The following CTNNA2 variants were observed in gnomAD, a reference collection of about 807,000 sequenced individuals.
CTNNA2 encodes catenin alpha-2.
A neutral mutation model predicts 101.0 loss-of-function variants in CTNNA2; 42 were observed. The ratio of observed to expected loss-of-function variants is 0.42; its 90% CI spans 0.32 to 0.54. The LOEUF (loss-of-function observed/expected upper bound fraction) is 0.54. CTNNA2 is among the 20% of genes least tolerant of loss of function. The probability of loss-of-function intolerance (pLI) is 0.14; values close to 1 mark genes in which losing one functional copy is unlikely to be tolerated. For missense variants in CTNNA2, 871 were observed against 1,223.1 expected, an observed-to-expected ratio of 0.71 and a Z score of 4.29; for synonymous variants, 450 against 456.4, an observed-to-expected ratio of 0.99 and a Z score of 0.18.
intron 7 of CTNNA2, chr2:80,162,997 A>C: frequency 1.3e-6 from 2 of 1,554,106 alleles, no homozygotes; most frequent in Non-Finnish European, 1.8e-6. Flanking sequence ...CCTGATCTAA[A>C]TTGAATTTTG....
intron 7 of CTNNA2, among the ~76,000 whole-genome samples, chr2:80,117,039 A>C (rs1701564928): frequency 6.6e-6 from 1 of 152,008 alleles, no homozygotes; most frequent in Non-Finnish European, 1.5e-5. Context: ...GAAGATTTAA[A>C]ATTTTCTTCT....
At chr2:80,626,966 T>C (rs1052614565) in intron 18 of CTNNA2, among the ~76,000 whole-genome samples, 1 of 152,096 alleles carries the variant, frequency 6.6e-6, no homozygotes, top group African/African-American at 2.4e-5. Context: ...GTGCGGTGTT[T>C]GGTTTTCTGT....
chr2:79,249,919 G>A (rs750994163), intron 2 of CTNNA2, among the ~76,000 whole-genome samples: 3 of 152,078 alleles, frequency 2.0e-5, no homozygotes, highest in Non-Finnish European at 4.4e-5. Context: ...CCCATCCTGG[G>A]TCTTCTGATA....
intron 4 of CTNNA2, among the ~76,000 whole-genome samples, chr2:79,475,725 C>G (rs1671043806): frequency 6.9e-6 from 1 of 145,274 alleles, no homozygotes; most frequent in Non-Finnish European, 1.5e-5. Flanking sequence ...AGGAAAATTT[C>G]TTGCTTATTC....
At chr2:80,281,479 T>C (rs1674373697) in intron 7 of CTNNA2, among the ~76,000 whole-genome samples, 1 of 152,190 alleles carries the variant, frequency 6.6e-6, no homozygotes, top group African/African-American at 2.4e-5. Flanking sequence ...CGTACATTAG[T>C]GTCTGTGGGT....
At position 79,216,561 on chromosome 2, in the gene CTNNA2, G is replaced by A. The variant is rs376255333; in HGVS notation, c.-406+18485G>A. On this transcript the variant is annotated intron_variant, in intron 2 of 21. Coordinates refer to the CTNNA2 transcript ENST00000466387. ...AAGGGATTGGGGCACAGAGATAAGG[G>A]GTCGAGTCATGGAAATAAGGGATCA... 2.7e-3 allele frequency among the ~76,000 whole-genome samples: 413 copies of A among 151,910 alleles called. 2 individuals carry two copies. Among genetic ancestry groups the A allele is most frequent in the African/African-American group, 9.7e-3 (402 of 41,400 alleles).
intron 7 of CTNNA2, among the ~76,000 whole-genome samples, chr2:79,980,974 T>C (rs1009376919): frequency 6.6e-6 from 1 of 152,156 alleles, no homozygotes; most frequent in African/African-American, 2.4e-5. Flanking sequence ...ATATTCTGAA[T>C]GGGCTCACTT....
intron 7 of CTNNA2, among the ~76,000 whole-genome samples, chr2:80,242,744 A>G (rs905592089): frequency 6.6e-6 from 1 of 152,142 alleles, no homozygotes; most frequent in African/African-American, 2.4e-5. Context: ...CAGATAGGGC[A>G]GCTGAACAGC....
chr2:80,331,224 C>T (rs1212186282), intron 7 of CTNNA2, among the ~76,000 whole-genome samples: 2 of 152,120 alleles, frequency 1.3e-5, no homozygotes, highest in African/African-American at 2.4e-5. Context: ...ATTAGGTATT[C>T]GTTATCACAT....
At chr2:79,949,724 C>A (rs1245611260) in intron 7 of CTNNA2, among the ~76,000 whole-genome samples, 2 of 152,016 alleles carry the variant, frequency 1.3e-5, no homozygotes, top group East Asian at 3.9e-4. Flanking sequence ...GCTGTAGGGA[C>A]CCATGATCAC....
At chr2:80,314,069 A>G (rs1677864970) in intron 7 of CTNNA2, among the ~76,000 whole-genome samples, 1 of 152,206 alleles carries the variant, frequency 6.6e-6, no homozygotes, top group South Asian at 2.1e-4. Flanking sequence ...ATCTGAACAG[A>G]CATTAGAGCT....
At chr2:79,713,302 C>T (rs1450194696) in intron 2 of CTNNA2, among the ~76,000 whole-genome samples, 9 of 152,078 alleles carry the variant, frequency 5.9e-5, no homozygotes, top group Non-Finnish European at 1.0e-4. Context: ...ATTTAGCAGC[C>T]GGGAACTGTG....
intron 7 of CTNNA2, among the ~76,000 whole-genome samples, chr2:80,307,659 T>C (rs1018702195): frequency 1.1e-4 from 16 of 152,296 alleles, no homozygotes; most frequent in African/African-American, 3.9e-4. Flanking sequence ...CTTCTTCAAA[T>C]GTTGTATATT....
At chr2:79,563,426 T>C (rs761943942) in intron 1 of CTNNA2, among the ~76,000 whole-genome samples, 1 of 152,030 alleles carries the variant, frequency 6.6e-6, no homozygotes, top group African/African-American at 2.4e-5. Flanking sequence ...CAATACACTA[T>C]AGTTAGTTGT....
intron 7 of CTNNA2, among the ~76,000 whole-genome samples, chr2:80,230,215 T>C (rs1709115646): frequency 6.6e-6 from 1 of 151,740 alleles, no homozygotes. Context: ...AAGCAATGCA[T>C]GCCTGTATAT....
In CTNNA2 at chr2:80,648,021, T is replaced by A. The variant is rs146155710; in HGVS notation, c.*149T>A. The stretch of plus-strand genomic sequence containing the variant: ...GTGTCTGTTTGCATGTAAGATGAGA[T>A]GAGATCAATACTACTGATCCATCTG... On this transcript the variant is annotated 3_prime_UTR_variant, in exon 19 of 19. Coordinates refer to ENST00000402739, the MANE Select transcript of CTNNA2 (RefSeq NM_001282597.3). 6.4e-5 allele frequency: 45 copies of A among 703,370 alleles called. No homozygotes were observed. The African/African-American group carries it at 7.9e-4, about 12-fold the overall frequency. The allele number at this position is 703,370 out of a possible 1,614,324, so 43.6% of individuals were successfully genotyped here. A position where few individuals can be genotyped will look rare whatever the true frequency, so the allele number is the denominator to read the frequency against.
intron 2 of CTNNA2, among the ~76,000 whole-genome samples, chr2:79,305,812 G>A (rs1465981209): frequency 2.6e-5 from 4 of 152,108 alleles, no homozygotes; most frequent in Non-Finnish European, 4.4e-5. Flanking sequence ...TTGGGAGGCT[G>A]AGGCAGGTGG....
chr2:79,717,028 A>G (rs547603130), intron 2 of CTNNA2, among the ~76,000 whole-genome samples: 19 of 152,328 alleles, frequency 1.2e-4, no homozygotes, highest in Admixed American at 5.2e-4. Context: ...GGGATATAGT[A>G]TATACATAGG....
chr2:79,818,353 C>T (rs1462970653), intron 3 of CTNNA2, among the ~76,000 whole-genome samples: 1 of 151,856 alleles, frequency 6.6e-6, no homozygotes, highest in African/African-American at 2.4e-5. Context: ...CGCTCTTTTA[C>T]CCAGGCTGCA....
Sources: allele counts gnomAD v4.1 joint callset (sites outside exome capture counted in the v4.1 genomes callset), GRCh38; gene constraint gnomAD v4.1.1; transcripts MANE v1.5; gene names NCBI Gene and HGNC (gene_info 2026-07-23, HGNC 2026-07-21).